PFKM: variants seen among roughly 807,000 people sequenced by gnomAD.
The protein encoded by PFKM is phosphofructokinase, muscle.
Under a neutral mutation model 95.5 loss-of-function variants are expected in PFKM, and 58 were observed. The observed-to-expected ratio is 0.61, with a 90% CI of 0.49 to 0.76. PFKM has a LOEUF of 0.76. PFKM is among the 30% of genes least tolerant of loss of function. The pLI, the probability that PFKM is intolerant of heterozygous loss-of-function variation, is 0.00. For synonymous variants in PFKM, 336 were observed against 357.2 expected, an observed-to-expected ratio of 0.94 and a Z score of 0.67; for missense variants, 678 against 1,005.4, an observed-to-expected ratio of 0.67 and a Z score of 4.40.
At position 48,145,801 on chromosome 12, in the gene PFKM, C is replaced by A. The variant is rs1951001547; in HGVS notation, c.*93C>A. The A allele has an allele frequency of 5.7e-6, 8 of 1,397,886 alleles. No individual in the cohort carries two copies. Among genetic ancestry groups the A allele is most frequent in the Middle Eastern group, 2.3e-4 (1 of 4,332 alleles). 86.6% of individuals were successfully genotyped at this position (1,397,886 alleles called of 1,614,324 possible). A position where few individuals can be genotyped will look rare whatever the true frequency, so the allele number is the denominator to read the frequency against. ...TTCTCAGTGTTTTAGCTGTTTTTTT[C>A]ATTAGGTTTCCTTTTATTCTGTACC... On this transcript the variant is annotated 3_prime_UTR_variant, in exon 23 of 23. Transcript: ENST00000359794. This position sits in a 1 kb window ranked among gnomAD's most constrained non-coding sequence, Gnocchi z 4.3.
intron 7 of PFKM, 80 bp downstream of exon 7, chr12:48,134,356 C>A: frequency 8.4e-7 from 1 of 1,193,970 alleles, no homozygotes; most frequent in Non-Finnish European, 1.3e-6. Flanking sequence ...CCAGTGAGGT[C>A]TCTCAGTAGC....
intron 11 of PFKM, 53 bp from the exon 12 acceptor site, chr12:48,139,232 C>T (rs1950369711): frequency 9.4e-6 from 13 of 1,379,054 alleles, no homozygotes; most frequent in Non-Finnish European, 1.3e-5. Flanking sequence ...GGAGTTCCAG[C>T]TGTGCAGAAT....
chr12:48,135,912 G>GGAGTCTCTCTCTGT (rs1950036753), intron 10 of PFKM, among the ~76,000 whole-genome samples: 3 of 150,704 alleles, frequency 2.0e-5, no homozygotes, highest in East Asian at 1.9e-4. Context: ...TTTTTGAGAC[G>GGAGTCTCTCTCTGT]CACCATTGCA....
intron 3 of PFKM, among the ~76,000 whole-genome samples, chr12:48,109,510 A>G (rs1380838546): frequency 2.0e-5 from 3 of 151,972 alleles, no homozygotes; most frequent in African/African-American, 7.3e-5. Context: ...ATTTGTACAG[A>G]TTATTTCTTA....
At chr12:48,115,066 T>G (rs1947550700), upstream of PFKM, among the ~76,000 whole-genome samples, 1 of 151,964 alleles carries the variant, frequency 6.6e-6, no homozygotes, top group Admixed American at 6.6e-5. Flanking sequence ...GCAATGTGGG[T>G]GAGCAGCCAA....
intron 1 of PFKM, chr12:48,106,364 C>A: frequency 2.1e-6 from 1 of 482,894 alleles, no homozygotes; most frequent in Non-Finnish European, 3.7e-6. Flanking sequence ...CTCCCTTACC[C>A]GCCGCCTTCT....
chr12:48,119,282 T>C (rs1947942947), upstream of PFKM: 4 of 984,512 alleles, frequency 4.1e-6, no homozygotes, highest in Non-Finnish European at 4.8e-6. Context: ...TTGGGAAGCC[T>C]CTCCTCCTTC....
At chr12:48,136,801 T>C (rs1239824766) in intron 10 of PFKM, among the ~76,000 whole-genome samples, 1 of 151,058 alleles carries the variant, frequency 6.6e-6, no homozygotes, top group Non-Finnish European at 1.5e-5. Flanking sequence ...TTGCCCAGGC[T>C]GGAGTGCAGT....
chr12:48,143,732 G>A lies in PFKM; in HGVS notation c.1819-21G>A, dbSNP rs757706113. On this transcript the variant is annotated intron_variant, in intron 18 of 22. Transcript: ENST00000359794. ...CTTATCCATTCCCAGTTAGGCTTAG[G>A]ATTTACTCTTTCATTTTCAGGCAAA... is the stretch of plus-strand genomic sequence containing the variant. 9 of 1,593,558 alleles carry A rather than the reference G, an allele frequency of 5.6e-6. No homozygotes were observed. In the South Asian group the frequency reaches 7.7e-5, roughly 14 times the overall value.
chr12:48,118,212 C>G (rs1465289974), upstream of PFKM, among the ~76,000 whole-genome samples: 1 of 152,174 alleles, frequency 6.6e-6, no homozygotes, highest in Non-Finnish European at 1.5e-5. Flanking sequence ...CTTTGGAATA[C>G]CCTTGACTGA....
intron 2 of PFKM, among the ~76,000 whole-genome samples, chr12:48,129,243 T>TCC (rs1565877213): frequency 1.0e-5 from 1 of 96,178 alleles, no homozygotes; most frequent in African/African-American, 4.6e-5. Flanking sequence ...TTTTTTTTTT[T>TCC]ACAGATGGAG....
intron 10 of PFKM, 107 bp downstream of exon 10, chr12:48,135,490 A>G: frequency 2.6e-6 from 2 of 762,134 alleles, no homozygotes; most frequent in Non-Finnish European, 4.5e-6. Context: ...CACTGGTCGC[A>G]TTGCCTCTCC....
intron 18 of PFKM, among the ~76,000 whole-genome samples, chr12:48,143,389 ACT>A (rs79853555): frequency 0.25 from 37,244 of 151,848 alleles, 4,915 homozygotes; most frequent in Non-Finnish European, 0.31. Flanking sequence ...TGAGAGAGAT[ACT>A]CTCTCAAAAC....
rs371857406 is a variant in PFKM, at chr12:48,108,204, G to A, written c.205+10G>A. 1.2e-5 allele frequency: 19 copies of A among 1,596,730 alleles called. No individual in the cohort carries two copies. In the African/African-American group the frequency reaches 2.3e-4, roughly 19 times the overall value. On this transcript the variant is annotated intron_variant, in intron 3 of 24. Transcript: ENST00000340802. ...CCTGTTTTCAAAACTGGTGAGGCATGTGGGTCAACAGTGAGAAATGTTCAA... is the reference window on the plus strand; with the variant it reads ...CCTGTTTTCAAAACTGGTGAGGCATATGGGTCAACAGTGAGAAATGTTCAA...
At chr12:48,109,584 C>G (rs1201323676) in intron 3 of PFKM, among the ~76,000 whole-genome samples, 1 of 152,170 alleles carries the variant, frequency 6.6e-6, no homozygotes, top group African/African-American at 2.4e-5. Context: ...AAACTCACCT[C>G]AGACTCCCTT....
Position 48,132,876 on chromosome 12 carries a change from G to A in PFKM, c.246G>A (p.Thr82=), listed in dbSNP as rs2228501. The change falls in exon 5 of 23, where the codon ACG becomes ACA. Residue 82 remains threonine, a synonymous_variant. Transcript: ENST00000359794. ...SVSMMLQLGG[T]VIGSARCKDF... is the part of the protein sequence containing the mutation. The stretch of plus-strand genomic sequence containing the variant: ...TTCTACCTCTTCCAAAGGGAGGCAC[G>A]GTGATTGGAAGTGCCCGGTGCAAGG... The A allele has an allele frequency of 0.08, 128,193 of 1,611,564 alleles. 6,024 individuals carry two copies. The highest frequency in any genetic ancestry group is 0.096 in the Non-Finnish European group (112,862 of 1,178,438).
chr12:48,105,805 C>T, upstream of PFKM: 3 of 592,554 alleles, frequency 5.1e-6, no homozygotes, highest in Middle Eastern at 9.0e-4. Flanking sequence ...GAAGGAACGG[C>T]CTCAGGTAGC....
Position 48,108,070 on chromosome 12 carries a change from A to T in PFKM, c.83-2A>T. The T allele has an allele frequency of 2.5e-6, 4 of 1,599,208 alleles. No individual in the cohort carries two copies. Among genetic ancestry groups the T allele is most frequent in the Non-Finnish European group, 3.4e-6 (4 of 1,179,558 alleles). ...GGGTGACCTAAAGCTATTGTTTCTCAGCTGGGGAAGCTTCTACTTCCAGCA... is the reference window on the plus strand; with the variant it reads ...GGGTGACCTAAAGCTATTGTTTCTCTGCTGGGGAAGCTTCTACTTCCAGCA... On this transcript the variant is annotated splice_acceptor_variant, in intron 2 of 24. Coordinates refer to the PFKM transcript ENST00000340802. LOFTEE classifies it high-confidence loss of function.
At chr12:48,118,023 C>A (rs1252970551), upstream of PFKM, among the ~76,000 whole-genome samples, 1 of 152,106 alleles carries the variant, frequency 6.6e-6, no homozygotes, top group African/African-American at 2.4e-5. Flanking sequence ...TCTGTGAGGA[C>A]CAAGGTTTTA....
Sources: allele counts gnomAD v4.1 joint callset (sites outside exome capture counted in the v4.1 genomes callset), GRCh38; gene constraint gnomAD v4.1.1; non-coding constraint Gnocchi (gnomAD v3.1); transcripts MANE v1.5; gene names NCBI Gene and HGNC (gene_info 2026-07-23, HGNC 2026-07-21).